Variants in NKAIN2 observed in about 807,000 individuals in gnomAD.
NKAIN2 encodes the protein sodium/potassium-transporting ATPase subunit beta-1-interacting protein 2.
In NKAIN2, 14 loss-of-function variants were observed where a neutral mutation model predicts 32.6. That is an observed-to-expected ratio of 0.43 (90% CI 0.28 to 0.67). The LOEUF is 0.67. Ranked by LOEUF, NKAIN2 falls within the 30% of genes least tolerant of loss-of-function variation. The pLI, the probability that NKAIN2 is intolerant of heterozygous loss-of-function variation, is 0.17. For missense variants in NKAIN2, 198 were observed against 258.3 expected (o/e 0.77, Z 1.60); for synonymous variants, 80 against 87.2 (o/e 0.92, Z 0.46).
intron 3 of NKAIN2, among the ~76,000 whole-genome samples, chr6:124,499,466 A>C (rs1431517963): frequency 6.6e-6 from 1 of 152,202 alleles, no homozygotes; most frequent in Non-Finnish European, 1.5e-5. Context: ...TTCCAGCTAT[A>C]TGATTGCTCT....
intron 5 of NKAIN2, among the ~76,000 whole-genome samples, chr6:124,792,667 C>T (rs1322112885): frequency 6.6e-6 from 1 of 152,056 alleles, no homozygotes; most frequent in Non-Finnish European, 1.5e-5. Flanking sequence ...TTATAGAGAA[C>T]AGTTTTGAGC....
chr6:124,284,868 G>A (rs1795464727), intron 2 of NKAIN2, among the ~76,000 whole-genome samples: 1 of 151,564 alleles, frequency 6.6e-6, no homozygotes, highest in Admixed American at 6.6e-5. Flanking sequence ...GATGTTGGAT[G>A]AACTATTTCT....
At chr6:124,598,613 G>C (rs746406249) in intron 3 of NKAIN2, among the ~76,000 whole-genome samples, 1 of 151,728 alleles carries the variant, frequency 6.6e-6, no homozygotes, top group Non-Finnish European at 1.5e-5. Flanking sequence ...CCCTTTCATG[G>C]GGAAAGCCAC....
chr6:124,439,970 G>T (rs113504520), intron 3 of NKAIN2, among the ~76,000 whole-genome samples: 1 of 151,986 alleles, frequency 6.6e-6, no homozygotes, highest in Non-Finnish European at 1.5e-5. Flanking sequence ...ACCTGAGGGT[G>T]ATCCTAAAAA....
intron 4 of NKAIN2, among the ~76,000 whole-genome samples, chr6:124,671,495 AT>A (rs1773098704): frequency 6.6e-6 from 1 of 151,990 alleles, no homozygotes; most frequent in Non-Finnish European, 1.5e-5. Context: ...CTTACACAGG[AT>A]TTTCTTCTCA....
intron 3 of NKAIN2, among the ~76,000 whole-genome samples, chr6:124,559,345 C>A (rs967830803): frequency 6.6e-6 from 1 of 152,118 alleles, no homozygotes; most frequent in African/African-American, 2.4e-5. Context: ...GGGCTTTTAG[C>A]TGAGTTTTGA....
chr6:124,221,310 A>G (rs1000863857), intron 1 of NKAIN2, among the ~76,000 whole-genome samples: 1 of 151,416 alleles, frequency 6.6e-6, no homozygotes, highest in Non-Finnish European at 1.5e-5. Context: ...ACAAGAACAA[A>G]AAACCAAACA....
At chr6:124,813,521 C>T (rs747243078) in intron 5 of NKAIN2, among the ~76,000 whole-genome samples, 1 of 152,040 alleles carries the variant, frequency 6.6e-6, no homozygotes, top group Non-Finnish European at 1.5e-5. Context: ...CTGTTGATAA[C>T]GTTCCAAAAA....
intron 3 of NKAIN2, among the ~76,000 whole-genome samples, chr6:124,452,976 A>G (rs556072034): frequency 6.6e-6 from 1 of 152,170 alleles, no homozygotes; most frequent in Non-Finnish European, 1.5e-5. Context: ...CATTAGAATG[A>G]ATATAAAGCA....
intron 1 of NKAIN2, among the ~76,000 whole-genome samples, chr6:124,217,878 GTTC>G (rs1177563885): frequency 6.6e-6 from 1 of 151,852 alleles, no homozygotes; most frequent in East Asian, 1.9e-4. Context: ...TAACTAAGAT[GTTC>G]TTCTTGTCAA....
chr6:124,003,047 A>G (rs904829889), intron 1 of NKAIN2, among the ~76,000 whole-genome samples: 22 of 152,220 alleles, frequency 1.4e-4, no homozygotes, highest in African/African-American at 2.4e-5. Flanking sequence ...TTCATTCCTC[A>G]GAAGATAATT....
intron 1 of NKAIN2, among the ~76,000 whole-genome samples, chr6:123,867,055 T>G (rs1336704496): frequency 6.6e-6 from 1 of 152,180 alleles, no homozygotes; most frequent in Non-Finnish European, 1.5e-5. Context: ...TCCACTATTA[T>G]CTGTCTGTTC....
Position 124,220,537 on chromosome 6 carries a change from G to GTATATATA in NKAIN2, c.55-62460_55-62453dup, listed in dbSNP as rs3055327. On this transcript the variant is annotated intron_variant, in intron 1 of 6. Coordinates refer to ENST00000368417, the MANE Select transcript of NKAIN2 (RefSeq NM_001040214.3). ...TATTGTGATGAATAAACATACATAT[G>GTATATATA]TATATATATATATATTGCATATCTT... Among the ~76,000 whole-genome samples, 696 of 148,140 alleles carry GTATATATA rather than the reference G, an allele frequency of 4.7e-3. 6 individuals carry two copies. The highest frequency in any genetic ancestry group is 0.016 in the African/African-American group (644 of 40,508).
intron 5 of NKAIN2, among the ~76,000 whole-genome samples, chr6:124,814,209 A>AT (rs1159329874): frequency 6.6e-6 from 1 of 152,166 alleles, no homozygotes; most frequent in Non-Finnish European, 1.5e-5. Context: ...GGTTGGTTGG[A>AT]TCCAGTTGAT....
intron 1 of NKAIN2, among the ~76,000 whole-genome samples, chr6:123,806,396 G>A (rs1773215387): frequency 6.6e-6 from 1 of 152,038 alleles, no homozygotes; most frequent in South Asian, 2.1e-4. Flanking sequence ...CAAAGAAAAT[G>A]CAATTGTTTT....
chr6:124,430,976 T>C (rs1775194166), intron 3 of NKAIN2, among the ~76,000 whole-genome samples: 1 of 152,230 alleles, frequency 6.6e-6, no homozygotes. Context: ...TGCTCATGTC[T>C]TGCTAATATG....
chr6:124,165,096 C>T (rs1454489056), intron 1 of NKAIN2, among the ~76,000 whole-genome samples: 1 of 152,010 alleles, frequency 6.6e-6, no homozygotes, highest in Non-Finnish European at 1.5e-5. Context: ...CCCAAAATTT[C>T]TTAAGTGCTA....
rs1276202598 is a variant in NKAIN2 at position 124,495,880 on chromosome 6, G to C, written c.273+140533G>C. On this transcript the variant is annotated intron_variant, in intron 3 of 6. Coordinates refer to ENST00000368417, the MANE Select transcript of NKAIN2 (RefSeq NM_001040214.3). Reference sequence around the variant, plus strand: ...TCTAGCACATTAGCACTCAGCAGTGGCCTTTTGAGATGTTGGTGAAATTTT... The same window carrying C: ...TCTAGCACATTAGCACTCAGCAGTGCCCTTTTGAGATGTTGGTGAAATTTT... Among the ~76,000 whole-genome samples the C allele has an allele frequency of 1.3e-5, 2 of 152,160 alleles. 1 individual carries two copies. The highest frequency in any genetic ancestry group is 4.1e-4 in the South Asian group (2 of 4,824).
intron 5 of NKAIN2, among the ~76,000 whole-genome samples, chr6:124,799,528 A>G (rs1354949331): frequency 1.3e-5 from 2 of 152,198 alleles, no homozygotes; most frequent in Admixed American, 6.5e-5. Context: ...AGTCAAGAAT[A>G]TGAGGGGAAA....
Sources: allele counts gnomAD v4.1 joint callset (sites outside exome capture counted in the v4.1 genomes callset), GRCh38; gene constraint gnomAD v4.1.1; transcripts MANE v1.5; gene names NCBI Gene and HGNC (gene_info 2026-07-23, HGNC 2026-07-21).